Variants in REV3L observed in about 807,000 individuals in gnomAD.
The protein encoded by REV3L is REV3 like, DNA directed polymerase zeta catalytic subunit.
Under a neutral mutation model 299.4 loss-of-function variants are expected in REV3L, and 69 were observed. That is an observed-to-expected ratio of 0.23 (90% CI 0.19 to 0.28). The LOEUF (loss-of-function observed/expected upper bound fraction) is 0.28. Ranked by LOEUF, REV3L falls within the 10% of genes least tolerant of loss-of-function variation. The probability of loss-of-function intolerance (pLI) is 1.00; values close to 1 mark genes in which losing one functional copy is unlikely to be tolerated. For missense variants in REV3L, 3,128 were observed against 3,693.8 expected (o/e 0.85, Z 3.97); for synonymous variants, 1,238 against 1,271.4 (o/e 0.97, Z 0.56).
chr6:111,344,482 C>T (rs1308817097), intron 20 of REV3L, among the ~76,000 whole-genome samples: 1 of 152,106 alleles, frequency 6.6e-6, no homozygotes, highest in African/African-American at 2.4e-5. Context: ...CAGGCATTCT[C>T]CTCCCAATAA....
At chr6:111,473,206 T>G (rs6900341) in intron 1 of REV3L, among the ~76,000 whole-genome samples, 46,003 of 148,784 alleles carry the variant, frequency 0.31, 8,435 homozygotes, top group South Asian at 0.43. Flanking sequence ...CTATTTAGAC[T>G]TGAATCATTT....
chr6:111,368,070 G>A, intron 13 of REV3L, 42 bp from the exon 14 acceptor site: 1 of 1,490,498 alleles, frequency 6.7e-7, no homozygotes, highest in Non-Finnish European at 9.0e-7. Context: ...GTTTCAAAGA[G>A]CAATTACCAA....
chr6:111,346,160 G>A (rs1179146546), intron 20 of REV3L, among the ~76,000 whole-genome samples: 1 of 152,012 alleles, frequency 6.6e-6, no homozygotes, highest in Non-Finnish European at 1.5e-5. Context: ...TCTAAACCCA[G>A]GCCCCTCAAC....
chr6:111,440,436 A>C (rs1304413982), intron 1 of REV3L, among the ~76,000 whole-genome samples: 1 of 152,156 alleles, frequency 6.6e-6, no homozygotes, highest in East Asian at 1.9e-4. Context: ...TGTTGATTAT[A>C]ATGGTTCCTA....
intron 1 of REV3L, among the ~76,000 whole-genome samples, chr6:111,457,996 A>C (rs940779881): frequency 1.3e-5 from 2 of 152,068 alleles, no homozygotes; most frequent in Non-Finnish European, 2.9e-5. Flanking sequence ...TATGCAAAGA[A>C]TCAAAGACAA....
chr6:111,331,544 C>CT (rs1404110255), intron 24 of REV3L, 132 bp downstream of exon 24: 1 of 540,780 alleles, frequency 1.8e-6, no homozygotes, highest in Non-Finnish European at 3.2e-6. Context: ...ATATCTTTGA[C>CT]TTTTTGAGAT....
chr6:111,403,473 GTC>G lies in REV3L; in HGVS notation c.565+1995_565+1996del, dbSNP rs532029939. On this transcript the variant is annotated intron_variant, in intron 4 of 31. Coordinates refer to ENST00000368802, the MANE Select transcript of REV3L (RefSeq NM_001372078.1). ...TTACAAGAGCATGTGTTCATTTTGT[GTC>G]TCTCTGTCACATTTTGGTTCCTCTT... Among the ~76,000 whole-genome samples the G allele has an allele frequency of 5.1e-3, 777 of 152,244 alleles. 2 individuals carry two copies. Among genetic ancestry groups the G allele is most frequent in the South Asian group, 9.5e-3 (46 of 4,824 alleles).
At chr6:111,317,839 T>C (rs1562112419) in intron 26 of REV3L, among the ~76,000 whole-genome samples, 3 of 152,184 alleles carry the variant, frequency 2.0e-5, no homozygotes, top group Admixed American at 6.5e-5. Flanking sequence ...AACTATATAG[T>C]ATGTACTCTT....
chr6:111,392,766 A>T, intron 5 of REV3L, 110 bp downstream of exon 5: 3 of 661,686 alleles, frequency 4.5e-6, no homozygotes, highest in Non-Finnish European at 7.9e-6. Context: ...TGTATAGATT[A>T]AAAAGATCCA....
At chr6:111,445,713 TA>T (rs1788761009) in intron 1 of REV3L, among the ~76,000 whole-genome samples, 1 of 152,094 alleles carries the variant, frequency 6.6e-6, no homozygotes, top group Admixed American at 6.5e-5. Context: ...GGAGCCCCCC[TA>T]AAAAGGGAAA....
chr6:111,429,762 C>G (rs1434282242), intron 1 of REV3L, among the ~76,000 whole-genome samples: 3 of 152,146 alleles, frequency 2.0e-5, no homozygotes. Context: ...AGACCGGAAG[C>G]AGCGCCGCAC....
intron 4 of REV3L, among the ~76,000 whole-genome samples, chr6:111,404,387 G>A (rs1783405185): frequency 6.6e-6 from 1 of 152,218 alleles, no homozygotes. Context: ...CAGGTCTGAT[G>A]GAGATGTACA....
chr6:111,462,003 T>C (rs144529618), intron 1 of REV3L, among the ~76,000 whole-genome samples: 104 of 152,268 alleles, frequency 6.8e-4, no homozygotes, highest in Non-Finnish European at 1.1e-3. Flanking sequence ...GATAAACAAG[T>C]AAGCCCATCT....
intron 11 of REV3L, among the ~76,000 whole-genome samples, chr6:111,378,893 T>C (rs1404485313): frequency 1.3e-5 from 2 of 152,238 alleles, no homozygotes; most frequent in East Asian, 3.8e-4. Flanking sequence ...TCTAGTTTTC[T>C]TCCTCTTCTT....
chr6:111,306,130 G>C (rs1772255799), intron 31 of REV3L, among the ~76,000 whole-genome samples: 1 of 152,168 alleles, frequency 6.6e-6, no homozygotes, highest in South Asian at 2.1e-4. Context: ...TATTTAGTGA[G>C]GAAGACAGAC....
intron 4 of REV3L, among the ~76,000 whole-genome samples, chr6:111,399,562 T>C (rs1782875830): frequency 3.9e-5 from 6 of 152,218 alleles, no homozygotes. Context: ...CTCTGGTCTA[T>C]TTATCTGTCT....
intron 1 of REV3L, among the ~76,000 whole-genome samples, chr6:111,468,687 C>T (rs1791809895): frequency 6.6e-6 from 1 of 152,122 alleles, no homozygotes; most frequent in African/African-American, 2.4e-5. Context: ...ATCAAAACAA[C>T]CTCTGTATTA....
Position 111,373,603 on chromosome 6 carries a change from T to C in REV3L, c.4752A>G (p.Arg1584=). ...CTTTTTGTTTTGTACTTCTGGGAGT[T>C]CGAGGTTTTCTTGGGGACGTTACCG... is the stretch of plus-strand genomic sequence containing the variant. The part of the protein sequence containing the change: ...TRSVTSPRKP[R]TPRSTKQKEK... Residue 1584 remains arginine, a synonymous_variant, in exon 13 of 32, where the codon CGA becomes CGG. Coordinates refer to ENST00000368802, the MANE Select transcript of REV3L (RefSeq NM_001372078.1). 1.2e-6 allele frequency: 2 copies of C among 1,614,128 alleles called. No individual in the cohort carries two copies. The highest frequency in any genetic ancestry group is 1.7e-6 in the Non-Finnish European group (2 of 1,179,996).
intron 16 of REV3L, among the ~76,000 whole-genome samples, chr6:111,363,511 T>C (rs970160178): frequency 6.6e-6 from 1 of 152,110 alleles, no homozygotes; most frequent in Admixed American, 6.5e-5. Context: ...GGTCTTCCTA[T>C]GTAGCCCAGG....
Sources: allele counts gnomAD v4.1 joint callset (sites outside exome capture counted in the v4.1 genomes callset), GRCh38; gene constraint gnomAD v4.1.1; transcripts MANE v1.5; gene names NCBI Gene and HGNC (gene_info 2026-07-23, HGNC 2026-07-21).